The following ATP10B variants were observed in gnomAD, a reference collection of about 807,000 sequenced individuals.
The protein encoded by ATP10B is phospholipid-transporting ATPase VB.
A neutral mutation model predicts 141.2 loss-of-function variants in ATP10B; 122 were observed. That is an observed-to-expected ratio of 0.86 (90% CI 0.75 to 1.00). The LOEUF (loss-of-function observed/expected upper bound fraction) is 1.00, where lower values mean the gene tolerates loss of function less well. Among genes scored for constraint, ATP10B ranks in the 50% least tolerant of loss-of-function variants. The pLI, the probability that ATP10B is intolerant of heterozygous loss-of-function variation, is 0.00. For synonymous variants in ATP10B, 685 were observed against 692.0 expected (o/e 0.99, Z 0.16); for missense variants, 1,876 against 1,825.3 (o/e 1.03, Z -0.51).
At position 160,616,071 on chromosome 5, in the gene ATP10B, A is replaced by G. The variant is rs1028992288; in HGVS notation, c.2527-107T>C. 29 of 1,218,350 alleles carry G rather than the reference A, an allele frequency of 2.4e-5. No homozygotes were observed. The African/African-American group carries it at 2.6e-4, about 11-fold the overall frequency. 75.5% of individuals were successfully genotyped at this position (1,218,350 alleles called of 1,614,324 possible). ...CCTATTGGCCTGTTTGAACTTCCCT[A>G]CATAATTAGATGGGGCTTTCTTCTC... On this transcript the variant is annotated intron_variant, in intron 16 of 25. Transcript: ENST00000327245.
At chr5:160,782,810 T>C (rs1356036549) in intron 2 of ATP10B, among the ~76,000 whole-genome samples, 3 of 151,804 alleles carry the variant, frequency 2.0e-5, no homozygotes, top group Admixed American at 2.0e-4. Context: ...ACACACAAAC[T>C]ACAAAGGAAA....
intron 6 of ATP10B, among the ~76,000 whole-genome samples, chr5:160,672,365 G>A (rs1283573231): frequency 1.3e-5 from 2 of 152,066 alleles, no homozygotes; most frequent in Non-Finnish European, 2.9e-5. Context: ...CAGGTAATAC[G>A]GTCTATTCCA....
intron 2 of ATP10B, among the ~76,000 whole-genome samples, chr5:160,777,948 C>T (rs1770454158): frequency 6.7e-6 from 1 of 150,050 alleles, no homozygotes; most frequent in Non-Finnish European, 1.5e-5. Flanking sequence ...AAACCACCTA[C>T]AGAGACTGGG....
intron 23 of ATP10B, among the ~76,000 whole-genome samples, chr5:160,590,475 ATT>A (rs1400454668): frequency 6.6e-6 from 1 of 152,178 alleles, no homozygotes; most frequent in Non-Finnish European, 1.5e-5. Flanking sequence ...GAAGACATAT[ATT>A]GTTTGCTACC....
intron 7 of ATP10B, among the ~76,000 whole-genome samples, chr5:160,651,058 T>C (rs1367486411): frequency 6.6e-6 from 1 of 152,238 alleles, no homozygotes; most frequent in Non-Finnish European, 1.5e-5. Flanking sequence ...TACTGGACAC[T>C]TATTTCTGCC....
chr5:160,835,812 G>A (rs1775390655), intron 1 of ATP10B, among the ~76,000 whole-genome samples: 1 of 152,048 alleles, frequency 6.6e-6, no homozygotes, highest in African/African-American at 2.4e-5. Flanking sequence ...GGTCCTTCAT[G>A]GGGTTTTCTG....
intron 10 of ATP10B, among the ~76,000 whole-genome samples, 198 bp from the exon 11 acceptor site, chr5:160,636,507 T>C (rs1759384383): frequency 6.6e-6 from 1 of 152,186 alleles, no homozygotes; most frequent in Non-Finnish European, 1.5e-5. Flanking sequence ...GTTCTTCGTA[T>C]ACATTTCAAT....
At chr5:160,698,650 T>C (rs890796478) in intron 3 of ATP10B, among the ~76,000 whole-genome samples, 4 of 152,030 alleles carry the variant, frequency 2.6e-5, no homozygotes, top group Non-Finnish European at 5.9e-5. Context: ...AAATCAGTGA[T>C]GCAGAGTCCC....
At chr5:160,783,450 T>C (rs1256220123) in intron 2 of ATP10B, among the ~76,000 whole-genome samples, 3,005 of 106,398 alleles carry the variant, frequency 0.028, 135 homozygotes, top group African/African-American at 0.089. Flanking sequence ...CCATCACATA[T>C]ATATATATAT....
At chr5:160,806,105 C>T (rs932174810) in intron 1 of ATP10B, among the ~76,000 whole-genome samples, 3 of 152,192 alleles carry the variant, frequency 2.0e-5, no homozygotes, top group African/African-American at 7.2e-5. Flanking sequence ...TAAAGCCCAC[C>T]CACACTGGGG....
At chr5:160,773,116 T>C (rs890997177) in intron 2 of ATP10B, among the ~76,000 whole-genome samples, 1 of 152,180 alleles carries the variant, frequency 6.6e-6, no homozygotes, top group East Asian at 1.9e-4. Flanking sequence ...TTACTTAGCC[T>C]CTCTAGGGCA....
chr5:160,883,690 A>G, the ATP10B span, among the ~76,000 whole-genome samples: 1 of 152,202 alleles, frequency 6.6e-6, no homozygotes, highest in Non-Finnish European at 1.5e-5. Flanking sequence ...TACTAGAGTA[A>G]TAAAATTATT....
Position 160,620,651 on chromosome 5 carries a change from CT to C in ATP10B, c.2111del (p.Glu704GlyfsTer35). 1 of 1,613,440 alleles carries C rather than the reference CT, an allele frequency of 6.2e-7. No homozygotes were observed. The highest frequency in any genetic ancestry group is 8.5e-7 in the Non-Finnish European group (1 of 1,179,444). On this transcript the variant is annotated frameshift_variant, in exon 15 of 26. Coordinates refer to ENST00000327245, the MANE Select transcript of ATP10B (RefSeq NM_025153.3). LOFTEE classifies it high-confidence loss of function. ...GSGTSLEEAL[E>X]APATDLARPE... is the part of the protein sequence containing the mutation. ...GCCTGGCCAGGTCTGTGGCTGGGGC[CT>C]CCAATGCCTCCTCCAAGGAAGTGCC...
At chr5:160,888,070 T>C in the ATP10B span, among the ~76,000 whole-genome samples, 1 of 152,226 alleles carries the variant, frequency 6.6e-6, no homozygotes, top group South Asian at 2.1e-4. Context: ...AAGGAGCCTG[T>C]CATAAATCTC....
chr5:160,903,892 G>A, the ATP10B span, among the ~76,000 whole-genome samples: 5 of 152,312 alleles, frequency 3.3e-5, no homozygotes, highest in South Asian at 4.1e-4. Flanking sequence ...TGTTACTCTG[G>A]CTAGCAGCCT....
intron 24 of ATP10B, among the ~76,000 whole-genome samples, chr5:160,581,903 T>C (rs528433641): frequency 6.6e-6 from 1 of 151,466 alleles, no homozygotes; most frequent in South Asian, 2.1e-4. Flanking sequence ...CATTATGTAA[T>C]GCCCTTCTTT....
the ATP10B span, among the ~76,000 whole-genome samples, chr5:160,922,790 C>T: frequency 6.6e-6 from 1 of 152,154 alleles, no homozygotes; most frequent in Non-Finnish European, 1.5e-5. Context: ...CAGTGACACA[C>T]AAGATGGAGA....
chr5:160,763,248 T>G (rs922345433), intron 2 of ATP10B, among the ~76,000 whole-genome samples: 2 of 152,134 alleles, frequency 1.3e-5, no homozygotes, highest in African/African-American at 4.8e-5. Context: ...ACCCAGCAAC[T>G]GCAGAATATA....
chr5:160,794,311 G>A (rs956885815), intron 1 of ATP10B, among the ~76,000 whole-genome samples: 2 of 152,132 alleles, frequency 1.3e-5, no homozygotes, highest in African/African-American at 4.8e-5. Context: ...TGTTTCCTCT[G>A]GACAACTGAT....
Sources: gnomAD v4.1 joint callset for allele counts (sites outside exome capture counted in the v4.1 genomes callset) on GRCh38, gnomAD v4.1.1 for gene constraint, MANE v1.5 for transcripts, NCBI Gene and HGNC (gene_info 2026-07-23, HGNC 2026-07-21) for gene names.